Variants in MSANTD4 observed in about 807,000 individuals in gnomAD.
MSANTD4 encodes myb/SANT-like DNA-binding domain-containing protein 4.
In MSANTD4, 13 loss-of-function variants were observed where a neutral mutation model predicts 34.3. The ratio of observed to expected loss-of-function variants is 0.38; its 90% CI spans 0.25 to 0.60. The LOEUF is 0.60. MSANTD4 is among the 20% of genes least tolerant of loss of function. MSANTD4 has a pLI of 0.63. For missense variants in MSANTD4, 358 were observed against 401.8 expected (o/e 0.89, Z 0.93); for synonymous variants, 137 against 145.2 (o/e 0.94, Z 0.41).
intron 1 of MSANTD4, among the ~76,000 whole-genome samples, chr11:106,020,689 A>G (rs1860007851): frequency 6.6e-6 from 1 of 152,214 alleles, no homozygotes; most frequent in Non-Finnish European, 1.5e-5. Flanking sequence ...ATTTTTGACC[A>G]ACAATTCCTA....
chr11:106,010,728 T>C lies in MSANTD4; in HGVS notation c.190A>G (p.Arg64Gly). 6.2e-7 allele frequency: 1 copy of C among 1,614,226 alleles called. No homozygotes were observed. The highest frequency in any genetic ancestry group is 1.3e-5 in the African/African-American group (1 of 75,064). The change falls in exon 2 of 3, where the codon AGG becomes GGG. Residue 64 changes from arginine to glycine, a missense_variant. By Grantham distance (125) the Arg-to-Gly change is moderately radical (BLOSUM62 -2). Around this residue, in one of 2 missense-constraint regions of MSANTD4, gnomAD observed 46 missense variants for 84.3 expected, o/e 0.55. Coordinates refer to ENST00000301919, the MANE Select transcript of MSANTD4 (RefSeq NM_032424.3). Reference protein sequence around the residue: ...CVNAVGEGEQRTGTEVKRRYL... With the variant: ...CVNAVGEGEQGTGTEVKRRYL... Reference sequence around the variant, plus strand: ...CTTCTTTTCACCTCTGTCCCTGTCCTCTGTTCTCCTTCTCCTACAGCATTC... The same window carrying C: ...CTTCTTTTCACCTCTGTCCCTGTCCCCTGTTCTCCTTCTCCTACAGCATTC...
intron 1 of MSANTD4, among the ~76,000 whole-genome samples, chr11:106,020,473 A>G (rs1252675490): frequency 6.6e-6 from 1 of 152,230 alleles, no homozygotes; most frequent in Non-Finnish European, 1.5e-5. Flanking sequence ...CAATATAAGT[A>G]TATAATAAAA....
Position 106,021,781 on chromosome 11 carries a change from G to A in MSANTD4, c.-970C>T, listed in dbSNP as rs957711108. On this transcript the variant is annotated 5_prime_UTR_variant, in exon 1 of 3. Coordinates refer to ENST00000301919, the MANE Select transcript of MSANTD4 (RefSeq NM_032424.3). ...ACCGTCCAAAAAGAGCCCCTGGGAA[G>A]AATCGAGTTAGACTGGGCTCCCGGA... The A allele has an allele frequency of 2.0e-5, 3 of 152,174 alleles. No individual in the cohort carries two copies. The highest frequency in any genetic ancestry group is 7.2e-5 in the African/African-American group (3 of 41,406). 9.4% of individuals were successfully genotyped at this position (152,174 alleles called of 1,614,324 possible). A position where few individuals can be genotyped will look rare whatever the true frequency, so the allele number is the denominator to read the frequency against.
At chr11:106,011,521 C>T (rs978390282) in intron 1 of MSANTD4, among the ~76,000 whole-genome samples, 4 of 152,268 alleles carry the variant, frequency 2.6e-5, no homozygotes, top group East Asian at 1.9e-4. Flanking sequence ...ATTAAGCATC[C>T]GTTTCTCAGG....
Position 106,016,748 on chromosome 11 carries a change from C to T in MSANTD4, c.-151+4214G>A, listed in dbSNP as rs550663035. ...AGAACAGATGTCCACCCTATAACTA[C>T]ACTAAACAATGAGACAGTTAACAGG... On this transcript the variant is annotated intron_variant, in intron 1 of 2. Transcript: ENST00000301919. Among the ~76,000 whole-genome samples, 16 of 152,278 alleles carry T rather than the reference C, an allele frequency of 1.1e-4. 1 individual carries two copies. The South Asian group carries it at 3.1e-3, about 30-fold the overall frequency.
In MSANTD4 at chr11:106,009,378, T is replaced by G. The variant is rs1166908958; in HGVS notation, c.*157A>C. 7 of 662,084 alleles carry G rather than the reference T, an allele frequency of 1.1e-5. No homozygotes were observed. Among genetic ancestry groups the G allele is most frequent in the Non-Finnish European group, 1.3e-5 (5 of 392,988 alleles). 41.0% of individuals were successfully genotyped at this position (662,084 alleles called of 1,614,324 possible). A position where few individuals can be genotyped will look rare whatever the true frequency, so the allele number is the denominator to read the frequency against. On this transcript the variant is annotated 3_prime_UTR_variant, in exon 3 of 3. Transcript: ENST00000301919. ...TTTACGCTAGGGCACAGCTTTTATA[T>G]ACTACTTAGGCATACAGTTATCCAC...
intron 1 of MSANTD4, among the ~76,000 whole-genome samples, chr11:106,016,826 A>T (rs1225902155): frequency 6.6e-6 from 1 of 152,202 alleles, no homozygotes; most frequent in Non-Finnish European, 1.5e-5. Context: ...ATTGCTAGTC[A>T]GGCATATTGA....
intron 1 of MSANTD4, among the ~76,000 whole-genome samples, chr11:106,013,517 C>G (rs980115719): frequency 6.6e-6 from 1 of 152,136 alleles, no homozygotes; most frequent in Non-Finnish European, 1.5e-5. Flanking sequence ...GGTTCCCTCA[C>G]GTCACATGTA....
In MSANTD4 at chr11:106,009,514, C is replaced by T. The variant is rs1459950803; in HGVS notation, c.*21G>A. ...AAAATCTAGAGTTTTCAAACATTTG[C>T]TAAATGGAAGCCTGGAAAAATCACT... On this transcript the variant is annotated 3_prime_UTR_variant, in exon 3 of 3. Transcript: ENST00000301919. The T allele has an allele frequency of 6.4e-7, 1 of 1,566,530 alleles. No homozygotes were observed. Among genetic ancestry groups the T allele is most frequent in the African/African-American group, 1.4e-5 (1 of 72,442 alleles).
chr11:106,009,187 A>G lies in MSANTD4; in HGVS notation c.*348T>C, dbSNP rs1859609407. On this transcript the variant is annotated 3_prime_UTR_variant, in exon 3 of 3. Coordinates refer to ENST00000301919, the MANE Select transcript of MSANTD4 (RefSeq NM_032424.3). ...TTTTGACAACCCAACATGTCTCCAG[A>G]CATCACCAAATTGGTCTTCTGAAGG... 1 of 189,190 alleles carries G rather than the reference A, an allele frequency of 5.3e-6. No individual in the cohort carries two copies. The highest frequency in any genetic ancestry group is 1.1e-5 in the Non-Finnish European group (1 of 91,300). The allele number at this position is 189,190 out of a possible 1,614,324, so 11.7% of individuals were successfully genotyped here. A position where few individuals can be genotyped will look rare whatever the true frequency, so the allele number is the denominator to read the frequency against.
chr11:106,016,873 A>C (rs1859867219), intron 1 of MSANTD4, among the ~76,000 whole-genome samples: 1 of 152,226 alleles, frequency 6.6e-6, no homozygotes. Flanking sequence ...ATTAAAAAAA[A>C]TAAAATCAGC....
rs144580375 is a variant in MSANTD4, at chr11:106,010,075, G to A, written c.498C>T (p.Ser166=). ...EIEEEEEMLS[S]VIPDSRRENE... Reference sequence around the variant, plus strand: ...TTTCTCTCCTGGAATCTGGTATGACGGATGACAACATTTCTTCCTCCTCCT... The same window carrying A: ...TTTCTCTCCTGGAATCTGGTATGACAGATGACAACATTTCTTCCTCCTCCT... Residue 166 remains serine, a synonymous_variant, in exon 3 of 3, where the codon TCC becomes TCT. Transcript: ENST00000301919. The A allele has an allele frequency of 8.2e-5, 130 of 1,581,174 alleles. No homozygotes were observed. In the East Asian group the frequency reaches 1.9e-3, roughly 23 times the overall value.
chr11:106,013,166 A>G (rs889740542), intron 1 of MSANTD4, among the ~76,000 whole-genome samples: 3 of 152,188 alleles, frequency 2.0e-5, no homozygotes, highest in Non-Finnish European at 4.4e-5. Context: ...AAGGGGAAAC[A>G]GGGCTCAGAA....
At chr11:106,012,199 A>T (rs955728343) in intron 1 of MSANTD4, among the ~76,000 whole-genome samples, 15 of 152,066 alleles carry the variant, frequency 9.9e-5, no homozygotes, top group South Asian at 2.1e-4. Flanking sequence ...CACCAAAAAA[A>T]TTTTTTAGAT....
rs1208110377 is a variant in MSANTD4 at position 106,009,642 on chromosome 11, T to C, written c.931A>G (p.Arg311Gly). 1.9e-6 allele frequency: 3 copies of C among 1,614,224 alleles called. No individual in the cohort carries two copies. The highest frequency in any genetic ancestry group is 2.2e-5 in the East Asian group (1 of 44,876). ...ERERLQLEKD[R>G]LQFLKFESEK... ...GATTCAAACTTCAAAAACTGCAGCC[T>C]ATCCTTTTCCAGTTGCAAGCGTTCT... Residue 311 changes from arginine (R) to glycine (G), a missense_variant, in exon 3 of 3, where the codon AGG becomes GGG. This residue lies in a region of MSANTD4 where 312 missense variants were observed against 317.6 expected (regional missense o/e 0.98). Coordinates refer to ENST00000301919, the MANE Select transcript of MSANTD4 (RefSeq NM_032424.3).
intron 1 of MSANTD4, among the ~76,000 whole-genome samples, chr11:106,020,165 G>C (rs1034357043): frequency 2.0e-5 from 3 of 152,220 alleles, no homozygotes; most frequent in South Asian, 2.1e-4. Context: ...TCATAAGAAA[G>C]ACAAATCTTT....
chr11:106,011,422 C>A lies in MSANTD4; in HGVS notation c.-150-355G>T, dbSNP rs561381073. On this transcript the variant is annotated intron_variant, in intron 1 of 2. Transcript: ENST00000301919. ...GTTCAGGGCCTTTGTCCACACTGTT[C>A]CTTCTGCCTGGAAAATGGATTGCTC... 1.4e-4 allele frequency among the ~76,000 whole-genome samples: 22 copies of A among 152,310 alleles called. No individual in the cohort carries two copies. In the South Asian group the frequency reaches 4.6e-3, roughly 32 times the overall value.
chr11:106,013,543 C>A (rs957513212), intron 1 of MSANTD4, among the ~76,000 whole-genome samples: 1 of 152,196 alleles, frequency 6.6e-6, no homozygotes, highest in Non-Finnish European at 1.5e-5. Flanking sequence ...ACTTTATTAG[C>A]AGCTTGTGAT....
intron 2 of MSANTD4, 43 bp downstream of exon 2, chr11:106,010,413 A>G (rs1332678843): frequency 6.5e-7 from 1 of 1,539,604 alleles, no homozygotes; most frequent in Admixed American, 2.0e-5. Context: ...CTCCCACATC[A>G]GAATTGAAAA....
Sources: allele counts gnomAD v4.1 joint callset (sites outside exome capture counted in the v4.1 genomes callset), GRCh38; gene constraint gnomAD v4.1.1; regional missense constraint gnomAD v4.1.1; transcripts MANE v1.5; gene names NCBI Gene and HGNC (gene_info 2026-07-23, HGNC 2026-07-21).